Variants in MACROD2 observed in about 807,000 individuals in gnomAD.
MACROD2 encodes the protein ADP-ribose glycohydrolase MACROD2.
In MACROD2, 36 loss-of-function variants were observed where a neutral mutation model predicts 70.4. The observed-to-expected ratio is 0.51, with a 90% confidence interval of 0.39 to 0.68. The LOEUF is 0.68. Among genes scored for constraint, MACROD2 ranks in the 30% least tolerant of loss-of-function variants. MACROD2 has a pLI of 0.00. For missense variants in MACROD2, 496 were observed against 538.4 expected, an observed-to-expected ratio of 0.92 and a Z score of 0.78; for synonymous variants, 172 against 178.8, an observed-to-expected ratio of 0.96 and a Z score of 0.30.
At chr20:15,389,097 G>A (rs2045757873) in intron 6 of MACROD2, among the ~76,000 whole-genome samples, 1 of 152,148 alleles carries the variant, frequency 6.6e-6, no homozygotes, top group African/African-American at 2.4e-5. Flanking sequence ...CCAGATTTGG[G>A]TGAGTTAAAA....
intron 3 of MACROD2, among the ~76,000 whole-genome samples, chr20:14,237,786 G>A (rs76107327): frequency 2.0e-5 from 3 of 148,400 alleles, no homozygotes; most frequent in South Asian, 2.1e-4. Flanking sequence ...GAGTGAGAAC[G>A]TGCGGTGTTT....
chr20:15,892,468 GT>G (rs2064904680), intron 10 of MACROD2, among the ~76,000 whole-genome samples: 3 of 152,216 alleles, frequency 2.0e-5, no homozygotes, highest in Non-Finnish European at 4.4e-5. Context: ...ACTAAAAACA[GT>G]TTGTTAAATA....
At chr20:14,990,902 A>C (rs2074897629) in intron 5 of MACROD2, among the ~76,000 whole-genome samples, 1 of 152,198 alleles carries the variant, frequency 6.6e-6, no homozygotes, top group Non-Finnish European at 1.5e-5. Context: ...AGGCCCCCTG[A>C]AAGTTATTGA....
chr20:15,088,428 T>A (rs1446613878), intron 5 of MACROD2, among the ~76,000 whole-genome samples: 2 of 36,678 alleles, frequency 5.5e-5, no homozygotes, highest in Admixed American at 2.6e-4. Context: ...TATATATATA[T>A]ATATATATAT....
At chr20:15,172,676 C>A (rs943877740) in intron 5 of MACROD2, among the ~76,000 whole-genome samples, 1 of 152,154 alleles carries the variant, frequency 6.6e-6, no homozygotes, top group Non-Finnish European at 1.5e-5. Context: ...TTCCAAAGTT[C>A]TTACATTAGA....
Position 15,635,563 on chromosome 20 carries a change from A to G in MACROD2, c.645+135716A>G, listed in dbSNP as rs145373358. On this transcript the variant is annotated intron_variant, in intron 8 of 17. Coordinates refer to ENST00000684519, the MANE Select transcript of MACROD2 (RefSeq NM_001351661.2). ...GGGTACTCTTGGACATAAAGATGCAACAATAGACATTGAGGCTACTAGAGG... is the reference window on the plus strand; with the variant it reads ...GGGTACTCTTGGACATAAAGATGCAGCAATAGACATTGAGGCTACTAGAGG... Among the ~76,000 whole-genome samples, 36 of 152,166 alleles carry G rather than the reference A, an allele frequency of 2.4e-4. 1 individual carries two copies. The East Asian group carries it at 7.0e-3, about 29-fold the overall frequency.
rs147852937 is a variant in MACROD2 at position 15,295,978 on chromosome 20, A to G, written c.540+65917A>G. Among the ~76,000 whole-genome samples the G allele has an allele frequency of 3.5e-3, 535 of 152,322 alleles. 6 individuals are homozygous for G. The highest frequency in any genetic ancestry group is 8.9e-3 in the South Asian group (43 of 4,828). ...ATGTAGCCCTCTCCAGCATGAGCAC[A>G]ATCCTATAAAATCCCCAGCAAGCTT... On this transcript the variant is annotated intron_variant, in intron 6 of 17. Coordinates refer to ENST00000684519, the MANE Select transcript of MACROD2 (RefSeq NM_001351661.2).
intron 5 of MACROD2, among the ~76,000 whole-genome samples, chr20:15,084,761 A>G (rs1601048677): frequency 6.6e-6 from 1 of 152,320 alleles, no homozygotes; most frequent in Non-Finnish European, 1.5e-5. Context: ...TTTGAAATGT[A>G]ATTAAATTTG....
At chr20:14,203,452 G>A (rs1160543510) in intron 3 of MACROD2, among the ~76,000 whole-genome samples, 1 of 151,634 alleles carries the variant, frequency 6.6e-6, no homozygotes, top group African/African-American at 2.4e-5. Context: ...ATGTTTTCTT[G>A]CTTTTTTGTG....
At chr20:15,879,973 A>G (rs988898845) in intron 9 of MACROD2, among the ~76,000 whole-genome samples, 6 of 152,114 alleles carry the variant, frequency 3.9e-5, no homozygotes, top group Non-Finnish European at 7.4e-5. Flanking sequence ...TAGAAAGGCA[A>G]TGAGGCCGGA....
intron 7 of MACROD2, 56 bp from the exon 8 acceptor site, chr20:15,499,718 C>A: frequency 6.6e-7 from 1 of 1,520,422 alleles, no homozygotes; most frequent in East Asian, 2.3e-5. Flanking sequence ...CGTGATTAGC[C>A]TCCCTTTTGC....
At chr20:14,001,044 G>A (rs2052727553) in intron 1 of MACROD2, among the ~76,000 whole-genome samples, 1 of 152,172 alleles carries the variant, frequency 6.6e-6, no homozygotes, top group Non-Finnish European at 1.5e-5. Context: ...TTGTGAAGCA[G>A]CATACATATT....
chr20:14,680,004 T>G (rs781719132), intron 4 of MACROD2, among the ~76,000 whole-genome samples: 2 of 152,196 alleles, frequency 1.3e-5, no homozygotes, highest in Non-Finnish European at 2.9e-5. Flanking sequence ...GAGCCACATT[T>G]AAGAGATCAT....
intron 2 of MACROD2, among the ~76,000 whole-genome samples, chr20:14,083,270 A>G (rs766030207): frequency 1.8e-4 from 27 of 151,950 alleles, no homozygotes; most frequent in Non-Finnish European, 3.4e-4. Flanking sequence ...CCTCTCTCCT[A>G]AAAATAGCTG....
At chr20:14,753,937 C>A (rs930553815) in intron 5 of MACROD2, among the ~76,000 whole-genome samples, 2 of 151,912 alleles carry the variant, frequency 1.3e-5, no homozygotes, top group African/African-American at 2.4e-5. Context: ...GACTTGATAA[C>A]AGGAAATATG....
In MACROD2 at chr20:16,024,518, C is replaced by T. The variant is rs543730923; in HGVS notation, c.1154-16683C>T. Reference sequence around the variant, plus strand: ...ATGTTCACACACACACACACAGACACACACACACACAGACACACACACACA... The same window carrying T: ...ATGTTCACACACACACACACAGACATACACACACACAGACACACACACACA... On this transcript the variant is annotated intron_variant, in intron 15 of 17. Transcript: ENST00000684519. Among the ~76,000 whole-genome samples, 29 of 144,108 alleles carry T rather than the reference C, an allele frequency of 2.0e-4. No homozygotes were observed. The South Asian group carries it at 6.4e-3, about 32-fold the overall frequency. The allele number at this position is 144,108 out of a possible 152,430, so 94.5% of individuals were successfully genotyped here.
Position 14,639,311 on chromosome 20 carries a change from T to C in MACROD2, c.302-45532T>C, listed in dbSNP as rs369201313. On this transcript the variant is annotated intron_variant, in intron 4 of 17. Coordinates refer to ENST00000684519, the MANE Select transcript of MACROD2 (RefSeq NM_001351661.2). ...TAAAGAAGTTAACACATCATTAAGA[T>C]CTAGGTACCTTCTTCAACTCTCCCC... Among the ~76,000 whole-genome samples the C allele has an allele frequency of 1.3e-4, 20 of 152,292 alleles. No homozygotes were observed. In the South Asian group the frequency reaches 3.7e-3, roughly 28 times the overall value.
At chr20:14,968,156 C>T (rs1231305628) in intron 5 of MACROD2, among the ~76,000 whole-genome samples, 1 of 152,062 alleles carries the variant, frequency 6.6e-6, no homozygotes, top group East Asian at 1.9e-4. Context: ...AACATATTAG[C>T]TGATAATAAT....
intron 4 of MACROD2, among the ~76,000 whole-genome samples, chr20:14,555,782 C>A (rs563726786): frequency 5.3e-5 from 8 of 151,922 alleles, no homozygotes; most frequent in Admixed American, 5.3e-4. Context: ...ACTGTAAAGG[C>A]GCAAATGAAA....
Sources: allele counts gnomAD v4.1 joint callset (sites outside exome capture counted in the v4.1 genomes callset), GRCh38; gene constraint gnomAD v4.1.1; transcripts MANE v1.5; gene names NCBI Gene and HGNC (gene_info 2026-07-23, HGNC 2026-07-21).